TMPRSS15: variants seen among roughly 807,000 people sequenced by gnomAD.
TMPRSS15 encodes transmembrane serine protease 15.
A neutral mutation model predicts 125.3 loss-of-function variants in TMPRSS15; 128 were observed. That is an observed-to-expected ratio of 1.02 (90% confidence interval 0.89 to 1.18). The LOEUF is 1.18. TMPRSS15 is among the 50% of genes most tolerant of loss of function. The probability of loss-of-function intolerance (pLI) is 0.00; values close to 1 mark genes in which losing one functional copy is unlikely to be tolerated. For synonymous variants in TMPRSS15, 446 were observed against 423.2 expected (o/e 1.05, Z -0.66); for missense variants, 1,283 against 1,212.7 (o/e 1.06, Z -0.86).
intron 1 of TMPRSS15, among the ~76,000 whole-genome samples, chr21:18,410,520 T>C (rs927591277): frequency 2.6e-5 from 4 of 151,964 alleles, no homozygotes; most frequent in Non-Finnish European, 4.4e-5. Flanking sequence ...GACTGCAAAA[T>C]ATTAATGAAA....
At chr21:18,414,736 G>T (rs1430321112) in intron 1 of TMPRSS15, among the ~76,000 whole-genome samples, 3 of 152,080 alleles carry the variant, frequency 2.0e-5, no homozygotes, top group Non-Finnish European at 2.9e-5. Flanking sequence ...TATATCACAT[G>T]CTTCTTTATC....
At chr21:18,282,069 G>A (rs1449837384) in intron 21 of TMPRSS15, among the ~76,000 whole-genome samples, 1 of 121,036 alleles carries the variant, frequency 8.3e-6, no homozygotes, top group East Asian at 2.5e-4. Context: ...CTGCACTCCA[G>A]CCTGGGAGAC....
intron 1 of TMPRSS15, among the ~76,000 whole-genome samples, chr21:18,420,849 G>A (rs755952530): frequency 1.6e-4 from 24 of 152,092 alleles, no homozygotes; most frequent in Admixed American, 2.6e-4. Context: ...GGCTTTCTCC[G>A]TTCAACCCCA....
intron 21 of TMPRSS15, among the ~76,000 whole-genome samples, chr21:18,282,433 A>G (rs975354140): frequency 2.7e-4 from 41 of 152,334 alleles, no homozygotes; most frequent in African/African-American, 9.9e-4. Flanking sequence ...TAACAGTCGC[A>G]AATGCCTCGT....
At chr21:18,441,706 T>TATC (rs1237138780) in intron 1 of TMPRSS15, among the ~76,000 whole-genome samples, 1 of 146,660 alleles carries the variant, frequency 6.8e-6, no homozygotes, top group Non-Finnish European at 1.5e-5. Context: ...TTATTATTAT[T>TATC]TTGAGTCAGA....
intron 15 of TMPRSS15, among the ~76,000 whole-genome samples, chr21:18,326,956 T>G (rs2075298708): frequency 6.6e-6 from 1 of 152,180 alleles, no homozygotes; most frequent in African/African-American, 2.4e-5. Flanking sequence ...CCAAACATAT[T>G]CAGTATTTTT....
intron 4 of TMPRSS15, among the ~76,000 whole-genome samples, 166 bp downstream of exon 4, chr21:18,383,461 A>G (rs1248122156): frequency 6.6e-6 from 1 of 152,188 alleles, no homozygotes; most frequent in Non-Finnish European, 1.5e-5. Flanking sequence ...AAGTTTCTTC[A>G]AATGCGGTTT....
At chr21:18,403,799 T>C (rs2076120295), upstream of TMPRSS15, 1 of 682,166 alleles carries the variant, frequency 1.5e-6, no homozygotes, top group South Asian at 1.8e-5. Flanking sequence ...ATTATGTCTC[T>C]ATACATTAAG....
Position 18,403,464 on chromosome 21 carries a change from T to G in TMPRSS15, c.145+14A>C. The G allele has an allele frequency of 6.2e-7, 1 of 1,614,048 alleles. No individual in the cohort carries two copies. Among genetic ancestry groups the G allele is most frequent in the Non-Finnish European group, 8.5e-7 (1 of 1,179,940 alleles). On this transcript the variant is annotated intron_variant, in intron 1 of 24. Transcript: ENST00000284885. ...GCTGAGAGCACCTTCACGAGCCAAC[T>G]CCATGTGACTTACCTCGTTGGGATT...
intron 19 of TMPRSS15, among the ~76,000 whole-genome samples, chr21:18,296,399 A>T (rs2074908274): frequency 6.6e-6 from 1 of 152,212 alleles, no homozygotes; most frequent in East Asian, 1.9e-4. Context: ...CCAACCCAAT[A>T]TAATGTGGCT....
At chr21:18,272,730 A>ATAAAT (rs2074573255) in intron 24 of TMPRSS15, among the ~76,000 whole-genome samples, 2 of 152,126 alleles carry the variant, frequency 1.3e-5, no homozygotes, top group African/African-American at 4.8e-5. Flanking sequence ...TGACTCAAAA[A>ATAAAT]TAAATAAATA....
intron 6 of TMPRSS15, among the ~76,000 whole-genome samples, chr21:18,371,554 A>T (rs2075791937): frequency 6.6e-6 from 1 of 152,234 alleles, no homozygotes; most frequent in Admixed American, 6.5e-5. Context: ...AATAGTAATA[A>T]TAATGGTAAA....
chr21:18,303,588 T>C (rs2074997266), intron 18 of TMPRSS15, among the ~76,000 whole-genome samples: 1 of 152,194 alleles, frequency 6.6e-6, no homozygotes, highest in African/African-American at 2.4e-5. Flanking sequence ...TCCTTACCTA[T>C]TTCTGTTTTA....
chr21:18,415,960 T>C (rs1198430085), intron 1 of TMPRSS15, among the ~76,000 whole-genome samples: 1 of 151,996 alleles, frequency 6.6e-6, no homozygotes, highest in Non-Finnish European at 1.5e-5. Flanking sequence ...ATATGCAGGA[T>C]ACAAAATCAA....
intron 5 of TMPRSS15, among the ~76,000 whole-genome samples, chr21:18,378,241 G>A (rs2075861857): frequency 6.6e-6 from 1 of 152,084 alleles, no homozygotes; most frequent in African/African-American, 2.4e-5. Context: ...GTTCAAAAGT[G>A]TGTTGGAAGG....
At chr21:18,397,973 G>A (rs764656632) in intron 2 of TMPRSS15, 27 bp from the exon 3 acceptor site, 73 of 1,359,520 alleles carry the variant, frequency 5.4e-5, no homozygotes, top group Non-Finnish European at 6.0e-5. Flanking sequence ...GATTGAATGA[G>A]TATACTAAAT....
At position 18,354,420 on chromosome 21, in the gene TMPRSS15, AT is replaced by A. The variant is rs919581935; in HGVS notation, c.881-558del. 6.9e-3 allele frequency among the ~76,000 whole-genome samples: 1,035 copies of A among 149,332 alleles called. 13 individuals carry two copies. Among genetic ancestry groups the A allele is most frequent in the African/African-American group, 0.021 (845 of 40,838 alleles). On this transcript the variant is annotated intron_variant, in intron 8 of 24. Coordinates refer to ENST00000284885, the MANE Select transcript of TMPRSS15 (RefSeq NM_002772.3). ...GTCTTGAGTATAAACTGCTTAGAGG[AT>A]TTTTTTTTTCATTTTTGATTGTCAA...
intron 1 of TMPRSS15, among the ~76,000 whole-genome samples, chr21:18,459,848 T>C (rs191104727): frequency 6.6e-6 from 1 of 152,310 alleles, no homozygotes; most frequent in East Asian, 1.9e-4. Flanking sequence ...TTTGATTATC[T>C]AAAATTGGCT....
chr21:18,460,592 A>G (rs533795672), intron 1 of TMPRSS15: 25 of 152,344 alleles, frequency 1.6e-4, no homozygotes, highest in African/African-American at 5.8e-4. Flanking sequence ...AGGCTAGCAA[A>G]TGCAAACTCT....
Sources: gnomAD v4.1 joint callset for allele counts (sites outside exome capture counted in the v4.1 genomes callset) on GRCh38, gnomAD v4.1.1 for gene constraint, MANE v1.5 for transcripts, NCBI Gene and HGNC (gene_info 2026-07-23, HGNC 2026-07-21) for gene names.